The following PXK variants were observed in gnomAD, a reference collection of about 807,000 sequenced individuals.
PXK encodes the protein PX domain-containing protein kinase-like protein.
In PXK, 35 loss-of-function variants were observed where a neutral mutation model predicts 84.7. That is an observed-to-expected ratio of 0.41 (90% CI 0.32 to 0.55). The LOEUF is 0.55. Ranked by LOEUF, PXK falls within the 20% of genes least tolerant of loss-of-function variation. The pLI, the probability that PXK is intolerant of heterozygous loss-of-function variation, is 0.21. For synonymous variants in PXK, 253 were observed against 260.8 expected (o/e 0.97, Z 0.29); for missense variants, 634 against 699.7 (o/e 0.91, Z 1.06).
At chr3:58,406,257 C>A (rs2059391048) in intron 13 of PXK, among the ~76,000 whole-genome samples, 1 of 151,206 alleles carries the variant, frequency 6.6e-6, no homozygotes, top group Admixed American at 6.6e-5. Flanking sequence ...CTGCACCCGG[C>A]CAATTTTTTT....
At chr3:58,382,382 A>G in intron 3 of PXK, 132 bp from the exon 4 acceptor site, 6 of 656,012 alleles carry the variant, frequency 9.1e-6, no homozygotes, top group South Asian at 6.9e-5. Context: ...CACAATTTTT[A>G]TATCACTGAA....
intron 1 of PXK, among the ~76,000 whole-genome samples, chr3:58,341,307 A>G (rs2097726126): frequency 6.6e-6 from 1 of 152,176 alleles, no homozygotes; most frequent in Non-Finnish European, 1.5e-5. Flanking sequence ...CATGCCTGAA[A>G]TGCCAGCACT....
chr3:58,339,435 G>T (rs1258459533), intron 1 of PXK, among the ~76,000 whole-genome samples: 1 of 151,844 alleles, frequency 6.6e-6, no homozygotes, highest in Non-Finnish European at 1.5e-5. Context: ...TTACCACGTT[G>T]GCCAGGCTGG....
intron 1 of PXK, among the ~76,000 whole-genome samples, chr3:58,347,402 G>C (rs2097844232): frequency 1.3e-5 from 2 of 152,026 alleles, no homozygotes; most frequent in African/African-American, 2.4e-5. Context: ...CCCTCCTTCT[G>C]GTCCCTGGGA....
At position 58,397,557 on chromosome 3, in the gene PXK, A is replaced by G; in HGVS notation, c.985-48A>G. ...CCTTGGGGCAGGAGCGCGAGGGTCCACAAAGCCAAAGTGAAGGGTGAACAC... is the reference window on the plus strand; with the variant it reads ...CCTTGGGGCAGGAGCGCGAGGGTCCGCAAAGCCAAAGTGAAGGGTGAACAC... On this transcript the variant is annotated intron_variant, in intron 10 of 17. Coordinates refer to ENST00000356151, the MANE Select transcript of PXK (RefSeq NM_017771.5). The surrounding 1 kb of genome is among the most constrained non-coding windows in gnomAD (Gnocchi z 4.7). The G allele has an allele frequency of 1.3e-6, 2 of 1,520,004 alleles. No homozygotes were observed. The highest frequency in any genetic ancestry group is 9.1e-7 in the Non-Finnish European group (1 of 1,094,628). 94.2% of individuals were successfully genotyped at this position (1,520,004 alleles called of 1,614,324 possible). A position where few individuals can be genotyped will look rare whatever the true frequency, so the allele number is the denominator to read the frequency against.
chr3:58,398,402 T>C lies in PXK; in HGVS notation c.1102+680T>C, dbSNP rs948249249. 5.9e-5 allele frequency among the ~76,000 whole-genome samples: 9 copies of C among 152,280 alleles called. No individual in the cohort carries two copies. The highest frequency in any genetic ancestry group is 1.4e-4 in the African/African-American group (6 of 41,550). On this transcript the variant is annotated intron_variant, in intron 11 of 17. Coordinates refer to ENST00000356151, the MANE Select transcript of PXK (RefSeq NM_017771.5). This position sits in a 1 kb window ranked among gnomAD's most constrained non-coding sequence, Gnocchi z 4.5. ...CAGCCTGGGCGACACAGTAAGACTC[T>C]GCCTCAAACGAAAACAAAACAAAAC... is the stretch of plus-strand genomic sequence containing the variant.
At chr3:58,420,047 A>G (rs1033389680) in intron 17 of PXK, among the ~76,000 whole-genome samples, 4 of 152,236 alleles carry the variant, frequency 2.6e-5, no homozygotes, top group African/African-American at 9.6e-5. Context: ...CCAACTTTAA[A>G]GAGACAAATC....
In PXK at chr3:58,370,417, C is replaced by T. The variant is rs1478252215; in HGVS notation, c.201+939C>T. 6.6e-6 allele frequency among the ~76,000 whole-genome samples: 1 copy of T among 152,180 alleles called. No individual in the cohort carries two copies. The highest frequency in any genetic ancestry group is 1.5e-5 in the Non-Finnish European group (1 of 68,040). ...CCATGTCTTCACTTGGCAGGCTGGT[C>T]TTCAAGTGCCTTGGATTACTGAAGA... On this transcript the variant is annotated intron_variant, in intron 3 of 17. Coordinates refer to ENST00000356151, the MANE Select transcript of PXK (RefSeq NM_017771.5). The surrounding 1 kb of genome is among the most constrained non-coding windows in gnomAD (Gnocchi z 4.2).
rs752411806 is a variant in PXK, at chr3:58,386,290, C to CTTTTTTTTTTTTTTTTTTTTTTTTTT, written c.388+3613_388+3614insTTTTTTTTTTTTTTTTTTTTTTTTTT. 7.3e-5 allele frequency among the ~76,000 whole-genome samples: 6 copies of CTTTTTTTTTTTTTTTTTTTTTTTTTT among 82,252 alleles called. 1 individual carries two copies. Among genetic ancestry groups the CTTTTTTTTTTTTTTTTTTTTTTTTTT allele is most frequent in the Non-Finnish European group, 6.4e-5 (3 of 46,552 alleles). The allele number at this position is 82,252 out of a possible 152,430, so 54.0% of individuals were successfully genotyped here. A position where few individuals can be genotyped will look rare whatever the true frequency, so the allele number is the denominator to read the frequency against. ...CTATCTCACACATATATCCCCCTTA[C>CTTTTTTTTTTTTTTTTTTTTTTTTTT]TTTTTTTTTTTTTTTTTTTTTTTGA... On this transcript the variant is annotated intron_variant, in intron 4 of 17. Coordinates refer to ENST00000356151, the MANE Select transcript of PXK (RefSeq NM_017771.5).
chr3:58,375,558 GA>G (rs1405044345), intron 3 of PXK, among the ~76,000 whole-genome samples: 1 of 152,128 alleles, frequency 6.6e-6, no homozygotes, highest in African/African-American at 2.4e-5. Context: ...ATGTTGATGA[GA>G]AAAAAATAAA....
At position 58,425,233 on chromosome 3, in the gene PXK, A is replaced by G. The variant is rs2062669129; in HGVS notation, c.*273A>G. 5.1e-6 allele frequency: 2 copies of G among 388,888 alleles called. No homozygotes were observed. Among genetic ancestry groups the G allele is most frequent in the Non-Finnish European group, 9.5e-6 (2 of 211,290 alleles). 24.1% of individuals were successfully genotyped at this position (388,888 alleles called of 1,614,324 possible). A position where few individuals can be genotyped will look rare whatever the true frequency, so the allele number is the denominator to read the frequency against. Reference sequence around the variant, plus strand: ...CTAATGGCCAGGCTTTTGGGACAGCAGCATATTGAAATATTTTCACCAACT... The same window carrying G: ...CTAATGGCCAGGCTTTTGGGACAGCGGCATATTGAAATATTTTCACCAACT... On this transcript the variant is annotated 3_prime_UTR_variant, in exon 18 of 18. Transcript: ENST00000356151.
chr3:58,421,490 G>T lies in PXK; in HGVS notation c.1529-3262G>T, dbSNP rs1188909108. 15 of 832,352 alleles carry T rather than the reference G, an allele frequency of 1.8e-5. No homozygotes were observed. Among genetic ancestry groups the T allele is most frequent in the Non-Finnish European group, 2.0e-5 (14 of 688,970 alleles). 51.6% of individuals were successfully genotyped at this position (832,352 alleles called of 1,614,324 possible). A position where few individuals can be genotyped will look rare whatever the true frequency, so the allele number is the denominator to read the frequency against. ...CAGCTACTCGGGAGGCTGAGGCAGA[G>T]AATCACTTGAACCCGGGAGGCGGAG... On this transcript the variant is annotated intron_variant, in intron 17 of 17. Transcript: ENST00000356151. The surrounding 1 kb of genome is among the most constrained non-coding windows in gnomAD (Gnocchi z 5.5).
chr3:58,379,638 C>CT lies in PXK; in HGVS notation c.202-2872dup, dbSNP rs1315581026. ...GCTTTAGACTCTTGAGGAAGATTAT[C>CT]TTTTGTCTTCTCAGAGAGATAAGAA... is the stretch of plus-strand genomic sequence containing the variant. On this transcript the variant is annotated intron_variant, in intron 3 of 17. Transcript: ENST00000356151. This position sits in a 1 kb window ranked among gnomAD's most constrained non-coding sequence, Gnocchi z 5.1. 3 of 152,112 alleles carry CT rather than the reference C, an allele frequency of 2.0e-5. No homozygotes were observed. Among genetic ancestry groups the CT allele is most frequent in the African/African-American group, 7.2e-5 (3 of 41,406 alleles). 9.4% of individuals were successfully genotyped at this position (152,112 alleles called of 1,614,324 possible).
chr3:58,386,547 G>A (rs1276812635), intron 4 of PXK, among the ~76,000 whole-genome samples: 4 of 151,596 alleles, frequency 2.6e-5, no homozygotes, highest in South Asian at 4.2e-4. Context: ...CGCCCACCTC[G>A]GCCTCCCAAA....
At chr3:58,387,370 G>GT (rs1192240079) in intron 4 of PXK, among the ~76,000 whole-genome samples, 12 of 152,326 alleles carry the variant, frequency 7.9e-5, no homozygotes, top group Admixed American at 7.8e-4. Context: ...TGCTTCATCA[G>GT]ATATTTATTG....
Position 58,409,532 on chromosome 3 carries a change from A to T in PXK, c.1309A>T (p.Ile437Phe). The T allele has an allele frequency of 6.2e-7, 1 of 1,612,632 alleles. No individual in the cohort carries two copies. The highest frequency in any genetic ancestry group is 8.5e-7 in the Non-Finnish European group (1 of 1,179,210). Residue 437 changes from isoleucine to phenylalanine, a missense_variant and splice_region_variant, in exon 15 of 18, where the codon ATT becomes TTT. Coordinates refer to ENST00000356151, the MANE Select transcript of PXK (RefSeq NM_017771.5). The surrounding 1 kb of genome is among the most constrained non-coding windows in gnomAD (Gnocchi z 4.2). ...GCTTACATCTTATGGTCTTTTAAAGATTCACCAGCATCGAAGACTGACAAG... is the reference window on the plus strand; with the variant it reads ...GCTTACATCTTATGGTCTTTTAAAGTTTCACCAGCATCGAAGACTGACAAG... ...EKRLIEEQKQ[I>F]HQHRRLTRAQ...
intron 9 of PXK, among the ~76,000 whole-genome samples, chr3:58,396,231 C>G (rs1382147327): frequency 2.6e-5 from 4 of 152,142 alleles, no homozygotes; most frequent in African/African-American, 9.6e-5. Flanking sequence ...GTCTATTTAA[C>G]TATAAATTAT....
In PXK at chr3:58,395,640, C is replaced by A; in HGVS notation, c.721-18C>A. On this transcript the variant is annotated intron_variant, in intron 8 of 17. Coordinates refer to ENST00000356151, the MANE Select transcript of PXK (RefSeq NM_017771.5). ...CCCCTCTGCTGCTTTCTTACGTGTT[C>A]TTTGTTCTTTTCCAAAGGCAAAACC... 2 of 1,578,776 alleles carry A rather than the reference C, an allele frequency of 1.3e-6. No individual in the cohort carries two copies. The highest frequency in any genetic ancestry group is 1.7e-6 in the Non-Finnish European group (2 of 1,149,268).
Position 58,351,778 on chromosome 3 carries a change from C to G in PXK, c.103-14096C>G, listed in dbSNP as rs186979732. On this transcript the variant is annotated intron_variant, in intron 1 of 17. Coordinates refer to ENST00000356151, the MANE Select transcript of PXK (RefSeq NM_017771.5). ...CCTTCTTAGAAATCAGAGACTGATA[C>G]AATTGTTTCTCATATTTAAAGAGAA... Among the ~76,000 whole-genome samples the G allele has an allele frequency of 3.2e-3, 483 of 151,710 alleles. 2 individuals carry two copies. Among genetic ancestry groups the G allele is most frequent in the African/African-American group, 0.011 (452 of 41,478 alleles).
Sources: allele counts gnomAD v4.1 joint callset (sites outside exome capture counted in the v4.1 genomes callset), GRCh38; gene constraint gnomAD v4.1.1; non-coding constraint Gnocchi (gnomAD v3.1); transcripts MANE v1.5; gene names NCBI Gene and HGNC (gene_info 2026-07-23, HGNC 2026-07-21).